The following PALLD variants were observed in gnomAD, a reference collection of about 807,000 sequenced individuals.
PALLD encodes palladin.
Under a neutral mutation model 123.5 loss-of-function variants are expected in PALLD, and 61 were observed. The observed-to-expected ratio is 0.49, with a 90% CI of 0.40 to 0.61. The LOEUF (loss-of-function observed/expected upper bound fraction) is 0.61, where lower values mean the gene tolerates loss of function less well. Among genes scored for constraint, PALLD ranks in the 20% least tolerant of loss-of-function variants. The pLI is 0.00. For missense variants in PALLD, 1,273 were observed against 1,377.0 expected (o/e 0.92, Z 1.20); for synonymous variants, 465 against 496.4 (o/e 0.94, Z 0.84).
At chr4:168,806,033 G>C (rs1049947796) in intron 10 of PALLD, among the ~76,000 whole-genome samples, 2 of 152,210 alleles carry the variant, frequency 1.3e-5, no homozygotes, top group Non-Finnish European at 2.9e-5. Flanking sequence ...GATAGTGAGT[G>C]AGTTCTCACA....
In PALLD at chr4:168,924,373, T is replaced by C. The variant is rs778134231; in HGVS notation, c.3177T>C (p.Phe1059=). ...TGGGAGTGCCACCACCTCAGATATTTTGGAAGAAAGAAAATGAATCACTCA... is the reference window on the plus strand; with the variant it reads ...TGGGAGTGCCACCACCTCAGATATTCTGGAAGAAAGAAAATGAATCACTCA... ...RVLGVPPPQI[F]WKKENESLTH... The change falls in exon 19 of 22, where the codon TTT becomes TTC. Residue 1059 remains phenylalanine (F), a synonymous_variant. Coordinates refer to ENST00000505667, the MANE Select transcript of PALLD (RefSeq NM_001166108.2). 6 of 1,613,796 alleles carry C rather than the reference T, an allele frequency of 3.7e-6. No individual in the cohort carries two copies. The highest frequency in any genetic ancestry group is 4.5e-5 in the East Asian group (2 of 44,882).
At chr4:168,688,491 C>T (rs984818976) in intron 6 of PALLD, among the ~76,000 whole-genome samples, 10 of 152,268 alleles carry the variant, frequency 6.6e-5, no homozygotes, top group African/African-American at 2.4e-4. Flanking sequence ...CCAGAGGGGT[C>T]CTTGTAAGGA....
chr4:168,681,183 T>C, intron 3 of PALLD, 149 bp from the exon 4 acceptor site: 1 of 581,202 alleles, frequency 1.7e-6, no homozygotes, highest in South Asian at 2.0e-5. Flanking sequence ...AAATAAAAAA[T>C]TGTCTGAGCC....
intron 2 of PALLD, chr4:168,537,587 T>C (rs911062055): frequency 5.9e-5 from 9 of 152,196 alleles, no homozygotes; most frequent in Non-Finnish European, 1.0e-4. Flanking sequence ...ATTCCTCATA[T>C]TGAATCATAC....
chr4:168,702,159 C>G (rs1401284963), intron 8 of PALLD, among the ~76,000 whole-genome samples: 2 of 151,970 alleles, frequency 1.3e-5, no homozygotes, highest in Non-Finnish European at 2.9e-5. Flanking sequence ...GTGTCCTGAA[C>G]TAGGAAAAAT....
At chr4:168,873,460 C>T (rs112933260) in intron 10 of PALLD, among the ~76,000 whole-genome samples, 4,724 of 152,258 alleles carry the variant, frequency 0.031, 93 homozygotes, top group Middle Eastern at 0.054. Context: ...TAGACAATTA[C>T]GAATACCCCA....
intron 10 of PALLD, among the ~76,000 whole-genome samples, chr4:168,741,730 G>A (rs1788365906): frequency 6.6e-6 from 1 of 152,068 alleles, no homozygotes; most frequent in Non-Finnish European, 1.5e-5. Flanking sequence ...GAGAGAGAGA[G>A]AAAGAGGAAA....
intron 2 of PALLD, among the ~76,000 whole-genome samples, chr4:168,554,760 T>C (rs1399216783): frequency 2.6e-5 from 4 of 152,192 alleles, no homozygotes; most frequent in African/African-American, 7.2e-5. Flanking sequence ...TTTCAGAATC[T>C]ACCAGAATTT....
intron 10 of PALLD, among the ~76,000 whole-genome samples, chr4:168,743,880 G>GCA (rs1788604491): frequency 6.6e-6 from 1 of 152,218 alleles, no homozygotes; most frequent in Non-Finnish European, 1.5e-5. Flanking sequence ...TCCAAAACAA[G>GCA]CACAAGATAA....
At chr4:168,573,206 C>T (rs548305950) in intron 2 of PALLD, among the ~76,000 whole-genome samples, 1 of 151,950 alleles carries the variant, frequency 6.6e-6, no homozygotes, top group East Asian at 2.0e-4. Flanking sequence ...CTCATGATGA[C>T]AGGTCTCAGC....
At chr4:168,878,451 G>A in intron 10 of PALLD, 1 of 1,330,626 alleles carries the variant, frequency 7.5e-7, no homozygotes. Flanking sequence ...GTCGCCCTGG[G>A]ACTCCCACAT....
chr4:168,593,436 C>CA lies in PALLD; in HGVS notation c.909-74744dup, dbSNP rs771493669. Among the ~76,000 whole-genome samples, 238 of 103,342 alleles carry CA rather than the reference C, an allele frequency of 2.3e-3. 1 individual carries two copies. The highest frequency in any genetic ancestry group is 3.9e-3 in the Non-Finnish European group (196 of 50,310). 67.8% of individuals were successfully genotyped at this position (103,342 alleles called of 152,430 possible). The stretch of plus-strand genomic sequence containing the variant: ...AGTAAAGACACTACCAGTCACCAGG[C>CA]AAAAAAAAAAGAAAAAAAGGAAGAC... On this transcript the variant is annotated intron_variant, in intron 2 of 21. Transcript: ENST00000505667.
In PALLD at chr4:168,898,474, TA is replaced by T; in HGVS notation, c.2251-16del. On this transcript the variant is annotated intron_variant, in intron 13 of 21. Coordinates refer to ENST00000505667, the MANE Select transcript of PALLD (RefSeq NM_001166108.2). ...TCAGAAGGGATTGAGTCTGCTAACT[TA>T]AACTTTCCTTGATTCAGGAATACAA... The T allele has an allele frequency of 6.4e-7, 1 of 1,560,290 alleles. No individual in the cohort carries two copies. The highest frequency in any genetic ancestry group is 8.8e-7 in the Non-Finnish European group (1 of 1,131,136).
chr4:168,685,810 G>GA (rs70961550), intron 6 of PALLD, among the ~76,000 whole-genome samples: 4,915 of 65,696 alleles, frequency 0.075, 197 homozygotes, highest in South Asian at 0.12. Flanking sequence ...AAGACAGATA[G>GA]AAAAAAAAAA....
At chr4:168,805,162 A>G (rs953456677) in intron 10 of PALLD, among the ~76,000 whole-genome samples, 1 of 151,954 alleles carries the variant, frequency 6.6e-6, no homozygotes, top group South Asian at 2.1e-4. Context: ...TAAAGAAAAA[A>G]AAAAAGAGTT....
At chr4:168,539,970 TC>T (rs1235630554) in intron 2 of PALLD, among the ~76,000 whole-genome samples, 1 of 151,410 alleles carries the variant, frequency 6.6e-6, no homozygotes, top group Non-Finnish European at 1.5e-5. Flanking sequence ...TCTCCCTCCC[TC>T]CCCCTTCTAG....
intron 10 of PALLD, among the ~76,000 whole-genome samples, chr4:168,794,199 G>C (rs1332244187): frequency 6.6e-6 from 1 of 152,154 alleles, no homozygotes; most frequent in Non-Finnish European, 1.5e-5. Context: ...TAGTGACCCG[G>C]TAGGCTCCTT....
At chr4:168,888,524 G>A (rs1753684055) in intron 10 of PALLD, among the ~76,000 whole-genome samples, 1 of 152,124 alleles carries the variant, frequency 6.6e-6, no homozygotes, top group African/African-American at 2.4e-5. Context: ...AGTGAACAAT[G>A]CCGCTTTTGA....
chr4:168,812,012 G>C (rs1741237307), intron 10 of PALLD, among the ~76,000 whole-genome samples: 1 of 152,074 alleles, frequency 6.6e-6, no homozygotes, highest in Non-Finnish European at 1.5e-5. Context: ...TGGGACTTTT[G>C]TTTGACAATA....
Sources: allele counts gnomAD v4.1 joint callset (sites outside exome capture counted in the v4.1 genomes callset), GRCh38; gene constraint gnomAD v4.1.1; transcripts MANE v1.5; gene names NCBI Gene and HGNC (gene_info 2026-07-23, HGNC 2026-07-21).